The following MEI4 variants were observed in gnomAD, a reference collection of about 807,000 sequenced individuals.
The protein encoded by MEI4 is meiotic double-stranded break formation protein 4.
MEI4 carries 27 observed loss-of-function variants against 31.4 expected under a neutral mutation model. The observed-to-expected ratio is 0.86, with a 90% confidence interval of 0.63 to 1.19. The LOEUF (loss-of-function observed/expected upper bound fraction) is 1.19. Ranked by LOEUF, MEI4 falls within the 50% of genes most tolerant of loss-of-function variation. The pLI, the probability that MEI4 is intolerant of heterozygous loss-of-function variation, is 0.00. For missense variants in MEI4, 329 were observed against 398.9 expected (o/e 0.82, Z 1.49); for synonymous variants, 122 against 145.4 (o/e 0.84, Z 1.16).
At chr6:77,741,034 T>C (rs894753319) in intron 2 of MEI4, among the ~76,000 whole-genome samples, 7 of 152,082 alleles carry the variant, frequency 4.6e-5, no homozygotes, top group Admixed American at 2.6e-4. Flanking sequence ...TTTTTTTGTC[T>C]GGAGAGAGCA....
intron 4 of MEI4, among the ~76,000 whole-genome samples, chr6:77,841,333 A>ATATATATATATATATTT: frequency 2.2e-3 from 62 of 27,742 alleles, no homozygotes; most frequent in Non-Finnish European, 3.2e-3. Flanking sequence ...ATATATATAT[A>ATATATATATATATATTT]TTTTTTTTTT....
intron 2 of MEI4, among the ~76,000 whole-genome samples, chr6:77,693,466 T>G (rs189947170): frequency 1.3e-5 from 2 of 152,196 alleles, no homozygotes; most frequent in East Asian, 3.9e-4. Context: ...AGGAGGAACC[T>G]AGGTGATAGC....
rs149584560 is a variant in MEI4 at position 77,737,170 on chromosome 6, A to G, written c.233-23960A>G. Among the ~76,000 whole-genome samples, 213 of 152,302 alleles carry G rather than the reference A, an allele frequency of 1.4e-3. 1 individual carries two copies. Among genetic ancestry groups the G allele is most frequent in the African/African-American group, 4.5e-3 (187 of 41,570 alleles). On this transcript the variant is annotated intron_variant, in intron 2 of 4. Coordinates refer to ENST00000684080, the MANE Select transcript of MEI4 (RefSeq NM_001322247.2). ...AAAATAAAAGGGAAACTTAATATTT[A>G]TTGAGTGTATGCTGTGCATTTCTAA...
At chr6:77,751,480 T>G (rs942111565) in intron 2 of MEI4, among the ~76,000 whole-genome samples, 1 of 151,122 alleles carries the variant, frequency 6.6e-6, no homozygotes, top group Admixed American at 6.6e-5. Context: ...CAACAGAGAA[T>G]TTGCAACCTC....
intron 3 of MEI4, among the ~76,000 whole-genome samples, chr6:77,793,797 A>T (rs1316768039): frequency 6.6e-6 from 1 of 152,146 alleles, no homozygotes; most frequent in Non-Finnish European, 1.5e-5. Context: ...GATACAGAAA[A>T]AATTAAGAGA....
At chr6:77,683,888 G>T (rs1769003927) in intron 1 of MEI4, among the ~76,000 whole-genome samples, 1 of 152,094 alleles carries the variant, frequency 6.6e-6, no homozygotes, top group South Asian at 2.1e-4. Context: ...ATTTCCTTTG[G>T]ATGTATACAC....
chr6:77,733,892 A>G (rs4706657), intron 2 of MEI4, among the ~76,000 whole-genome samples: 122,921 of 151,946 alleles, frequency 0.81, 50,037 homozygotes, highest in East Asian at 0.95. Flanking sequence ...TGTACCCAGT[A>G]GTCATTCAGG....
rs182518922 is a variant in MEI4 at position 77,699,100 on chromosome 6, C to A, written c.232+8197C>A. Among the ~76,000 whole-genome samples, 4 of 152,164 alleles carry A rather than the reference C, an allele frequency of 2.6e-5. No homozygotes were observed. In the East Asian group the frequency reaches 7.7e-4, roughly 29 times the overall value. ...CTGCATTCTTCACGTAGTTCTTGAG[C>A]CTTGGCCTTCAGCTCCATTAGCTCC... On this transcript the variant is annotated intron_variant, in intron 2 of 4. Transcript: ENST00000684080.
intron 1 of MEI4, among the ~76,000 whole-genome samples, chr6:77,687,412 T>G (rs2127651364): frequency 6.6e-6 from 1 of 152,190 alleles, no homozygotes; most frequent in Non-Finnish European, 1.5e-5. Flanking sequence ...AGCTGGGGTG[T>G]TTTCCAGTAG....
chr6:77,714,008 A>C (rs2127660998), intron 2 of MEI4, among the ~76,000 whole-genome samples: 1 of 152,162 alleles, frequency 6.6e-6, no homozygotes, highest in South Asian at 2.1e-4. Context: ...TTTCTGTGTT[A>C]GTTTGCTAAG....
intron 3 of MEI4, among the ~76,000 whole-genome samples, chr6:77,793,964 G>A (rs889308836): frequency 2.0e-5 from 3 of 151,968 alleles, no homozygotes; most frequent in Admixed American, 6.6e-5. Flanking sequence ...AAAGTAAATG[G>A]ATTAAATTCT....
chr6:77,867,210 C>A (rs1238047086), intron 4 of MEI4, among the ~76,000 whole-genome samples: 2 of 152,084 alleles, frequency 1.3e-5, no homozygotes, highest in Non-Finnish European at 2.9e-5. Flanking sequence ...CAACAAAAGC[C>A]AAAATTGACA....
intron 4 of MEI4, among the ~76,000 whole-genome samples, chr6:77,899,217 C>A (rs1170350081): frequency 6.6e-6 from 1 of 151,990 alleles, no homozygotes; most frequent in Non-Finnish European, 1.5e-5. Context: ...ATACTTAGAT[C>A]TCTTTAACCA....
intron 3 of MEI4, among the ~76,000 whole-genome samples, chr6:77,786,814 A>T (rs1456220409): frequency 6.6e-6 from 1 of 152,220 alleles, no homozygotes; most frequent in Non-Finnish European, 1.5e-5. Flanking sequence ...CAAAAAATGT[A>T]TAAGAATAAG....
At chr6:77,881,034 T>C (rs867667739) in intron 4 of MEI4, among the ~76,000 whole-genome samples, 9 of 151,732 alleles carry the variant, frequency 5.9e-5, no homozygotes, top group African/African-American at 1.9e-4. Flanking sequence ...TGACCTCATC[T>C]TTTTTTTGAC....
At chr6:77,908,409 G>C (rs143221429) in intron 4 of MEI4, among the ~76,000 whole-genome samples, 121 of 152,018 alleles carry the variant, frequency 8.0e-4, no homozygotes, top group African/African-American at 2.1e-3. Context: ...ATAGGGAATC[G>C]TTTCCCCATT....
chr6:77,771,904 TAACA>T lies in MEI4; in HGVS notation c.768+10243_768+10246del, dbSNP rs2127686804. Reference sequence around the variant, plus strand: ...CCTCCATGACATGAGTTTACTTATATAACAAACCTGCACCTGTACCCCTAAACCT... The same window carrying T: ...CCTCCATGACATGAGTTTACTTATATAACCTGCACCTGTACCCCTAAACCT... On this transcript the variant is annotated intron_variant, in intron 3 of 4. Transcript: ENST00000684080. 2.0e-5 allele frequency among the ~76,000 whole-genome samples: 3 copies of T among 152,158 alleles called. No individual in the cohort carries two copies. The South Asian group carries it at 6.2e-4, about 31-fold the overall frequency.
At chr6:77,918,335 T>G (rs1162045730) in intron 4 of MEI4, among the ~76,000 whole-genome samples, 1 of 141,910 alleles carries the variant, frequency 7.0e-6, no homozygotes, top group South Asian at 2.3e-4. Context: ...GGGGATGGCA[T>G]TGAATCTGTA....
At chr6:77,818,359 A>G (rs1769738281) in intron 3 of MEI4, among the ~76,000 whole-genome samples, 1 of 152,158 alleles carries the variant, frequency 6.6e-6, no homozygotes, top group African/African-American at 2.4e-5. Flanking sequence ...TTAGAAGTAT[A>G]ATGGTATATG....
Sources: gnomAD v4.1 joint callset for allele counts (sites outside exome capture counted in the v4.1 genomes callset) on GRCh38, gnomAD v4.1.1 for gene constraint, MANE v1.5 for transcripts, NCBI Gene and HGNC (gene_info 2026-07-23, HGNC 2026-07-21) for gene names.